Variants in PRKCA observed in about 807,000 individuals in gnomAD.
PRKCA encodes the protein protein kinase C alpha, also known as protein kinase C alpha type.
PRKCA carries 27 observed loss-of-function variants against 87.0 expected under a neutral mutation model. That is an observed-to-expected ratio of 0.31 (90% CI 0.23 to 0.43). The LOEUF (loss-of-function observed/expected upper bound fraction) is 0.43. Among genes scored for constraint, PRKCA ranks in the 20% least tolerant of loss-of-function variants. The pLI is 1.00. For synonymous variants in PRKCA, 329 were observed against 311.1 expected, an observed-to-expected ratio of 1.06 and a Z score of -0.61; for missense variants, 518 against 852.3, an observed-to-expected ratio of 0.61 and a Z score of 4.88.
chr17:66,513,315 A>G (rs114787654), intron 3 of PRKCA, among the ~76,000 whole-genome samples: 17 of 152,340 alleles, frequency 1.1e-4, no homozygotes, highest in Non-Finnish European at 2.4e-4. Flanking sequence ...TTTCCTTTCT[A>G]TGACTGTGAT....
chr17:66,429,766 T>A (rs1481505693), intron 2 of PRKCA, among the ~76,000 whole-genome samples: 1 of 152,178 alleles, frequency 6.6e-6, no homozygotes, highest in South Asian at 2.1e-4. Context: ...GTAGAGTCCA[T>A]CTTCATGAGA....
At chr17:66,429,039 C>A (rs1186676882) in intron 2 of PRKCA, among the ~76,000 whole-genome samples, 1 of 152,084 alleles carries the variant, frequency 6.6e-6, no homozygotes, top group Non-Finnish European at 1.5e-5. Flanking sequence ...TGATAAAGAA[C>A]ACCTTTTTTG....
At chr17:66,735,775 G>T in intron 10 of PRKCA, 113 bp downstream of exon 10, 1 of 1,279,532 alleles carries the variant, frequency 7.8e-7, no homozygotes, top group Non-Finnish European at 1.1e-6. Context: ...AAGGTGTGTT[G>T]TGATGTCAAG....
intron 3 of PRKCA, among the ~76,000 whole-genome samples, chr17:66,540,164 T>G (rs1315862717): frequency 6.6e-6 from 1 of 152,220 alleles, no homozygotes; most frequent in Non-Finnish European, 1.5e-5. Flanking sequence ...GCTTGAATGC[T>G]GCTATTTCAG....
chr17:66,577,757 G>C (rs1231399590), intron 3 of PRKCA, among the ~76,000 whole-genome samples: 4 of 152,134 alleles, frequency 2.6e-5, no homozygotes, highest in Non-Finnish European at 5.9e-5. Flanking sequence ...CACAGCATGA[G>C]TTTATACTTC....
At chr17:66,691,442 G>T (rs1972783520) in intron 8 of PRKCA, among the ~76,000 whole-genome samples, 1 of 152,062 alleles carries the variant, frequency 6.6e-6, no homozygotes, top group Non-Finnish European at 1.5e-5. Context: ...TGAAAGTCAG[G>T]GTTTGGGGCA....
intron 13 of PRKCA, among the ~76,000 whole-genome samples, chr17:66,765,464 A>C (rs1398320274): frequency 7.1e-6 from 1 of 140,080 alleles, no homozygotes; most frequent in African/African-American, 2.6e-5. Flanking sequence ...ATCCATATAT[A>C]TACATATTTG....
intron 3 of PRKCA, among the ~76,000 whole-genome samples, chr17:66,605,995 T>G (rs1041921073): frequency 6.6e-6 from 1 of 152,154 alleles, no homozygotes; most frequent in African/African-American, 2.4e-5. Flanking sequence ...GATGACAAAT[T>G]GTGATAATGG....
At chr17:66,750,238 A>T (rs898407977) in intron 13 of PRKCA, among the ~76,000 whole-genome samples, 5 of 152,068 alleles carry the variant, frequency 3.3e-5, no homozygotes, top group Admixed American at 3.3e-4. Context: ...CAGCATGGGC[A>T]GGAGCAAAGA....
At chr17:66,560,578 G>A (rs957582295) in intron 3 of PRKCA, among the ~76,000 whole-genome samples, 3 of 152,142 alleles carry the variant, frequency 2.0e-5, no homozygotes, top group Non-Finnish European at 2.9e-5. Flanking sequence ...TTTCTCTTCT[G>A]TAAGATGGGA....
At chr17:66,638,908 C>T (rs188889027) in intron 3 of PRKCA, among the ~76,000 whole-genome samples, 1 of 152,234 alleles carries the variant, frequency 6.6e-6, no homozygotes, top group African/African-American at 2.4e-5. Flanking sequence ...GTTCCATAGT[C>T]AACCAAAAGA....
At position 66,400,122 on chromosome 17, in the gene PRKCA, C is replaced by T. The variant is rs190701338; in HGVS notation, c.205+93995C>T. 3.2e-4 allele frequency among the ~76,000 whole-genome samples: 49 copies of T among 152,192 alleles called. 1 individual carries two copies. Among genetic ancestry groups the T allele is most frequent in the African/African-American group, 1.1e-3 (44 of 41,524 alleles). On this transcript the variant is annotated intron_variant, in intron 2 of 16. Coordinates refer to ENST00000413366, the MANE Select transcript of PRKCA (RefSeq NM_002737.3). ...ACAGTTTTAACCACTTGTACACATA[C>T]GGTTTGGTAGTAGTGTTAAGTATAT... is the stretch of plus-strand genomic sequence containing the variant.
At chr17:66,715,572 T>A in intron 8 of PRKCA, among the ~76,000 whole-genome samples, 1 of 152,186 alleles carries the variant, frequency 6.6e-6, no homozygotes, top group East Asian at 1.9e-4. Context: ...CAGAAAGGCC[T>A]ACAACTGTTT....
chr17:66,741,516 G>A, intron 11 of PRKCA, 143 bp from the exon 12 acceptor site: 1 of 737,754 alleles, frequency 1.4e-6, no homozygotes, highest in Non-Finnish European at 2.2e-6. Context: ...GGAGGACCGG[G>A]GGTTGGAAGA....
chr17:66,409,935 A>G (rs1911675719), intron 2 of PRKCA, among the ~76,000 whole-genome samples: 2 of 152,220 alleles, frequency 1.3e-5, no homozygotes, highest in South Asian at 2.1e-4. Flanking sequence ...AAATAAATAA[A>G]TAAAAGAGAA....
intron 2 of PRKCA, among the ~76,000 whole-genome samples, chr17:66,345,141 A>G (rs1295899228): frequency 6.6e-6 from 1 of 151,948 alleles, no homozygotes; most frequent in Non-Finnish European, 1.5e-5. Flanking sequence ...TTTCTTAGGA[A>G]CTCTTATACC....
intron 8 of PRKCA, among the ~76,000 whole-genome samples, chr17:66,715,494 G>T (rs1973450907): frequency 6.6e-6 from 1 of 152,056 alleles, no homozygotes; most frequent in Admixed American, 6.6e-5. Context: ...TTCCCCCCAG[G>T]CCCTTTCTTG....
At position 66,774,252 on chromosome 17, in the gene PRKCA, A is replaced by C. The variant is rs535283412; in HGVS notation, c.1605+185A>C. 2.1e-5 allele frequency: 30 copies of C among 1,440,960 alleles called. No individual in the cohort carries two copies. In the East Asian group the frequency reaches 7.3e-4, roughly 35 times the overall value. The allele number at this position is 1,440,960 out of a possible 1,614,324, so 89.3% of individuals were successfully genotyped here. A position where few individuals can be genotyped will look rare whatever the true frequency, so the allele number is the denominator to read the frequency against. ...TGGATCACGTTCAGTATGCACAGAAATTATCTCTGGTCATAGAAACTCCAA... is the reference window on the plus strand; with the variant it reads ...TGGATCACGTTCAGTATGCACAGAACTTATCTCTGGTCATAGAAACTCCAA... On this transcript the variant is annotated intron_variant, in intron 14 of 16. Transcript: ENST00000413366.
intron 2 of PRKCA, among the ~76,000 whole-genome samples, chr17:66,486,969 A>G (rs1192619948): frequency 2.0e-5 from 3 of 152,368 alleles, no homozygotes; most frequent in Non-Finnish European, 1.5e-5. Context: ...GTATCTACAT[A>G]CAATGTGTAA....
Sources: gnomAD v4.1 joint callset for allele counts (sites outside exome capture counted in the v4.1 genomes callset) on GRCh38, gnomAD v4.1.1 for gene constraint, MANE v1.5 for transcripts, NCBI Gene and HGNC (gene_info 2026-07-23, HGNC 2026-07-21) for gene names.